Variants in RAB11FIP4 observed in about 807,000 individuals in gnomAD.
RAB11FIP4 encodes rab11 family-interacting protein 4.
A neutral mutation model predicts 74.3 loss-of-function variants in RAB11FIP4; 23 were observed. The observed-to-expected ratio is 0.31, with a 90% confidence interval of 0.22 to 0.44. RAB11FIP4 has a LOEUF of 0.44. RAB11FIP4 is among the 20% of genes least tolerant of loss of function. The probability of loss-of-function intolerance (pLI) is 1.00; values close to 1 mark genes in which losing one functional copy is unlikely to be tolerated. For missense variants in RAB11FIP4, 630 were observed against 863.9 expected, an observed-to-expected ratio of 0.73 and a Z score of 3.39; for synonymous variants, 360 against 359.9, an observed-to-expected ratio of 1.00 and a Z score of 0.00.
chr17:31,527,615 A>T, intron 10 of RAB11FIP4: 1 of 439,698 alleles, frequency 2.3e-6, no homozygotes, highest in Non-Finnish European at 3.8e-6. Context: ...AAAGAAAATA[A>T]GAATGATAAT....
chr17:31,470,215 A>G (rs1308973842), intron 3 of RAB11FIP4, among the ~76,000 whole-genome samples: 1 of 152,164 alleles, frequency 6.6e-6, no homozygotes. Flanking sequence ...AGCAGAGTCC[A>G]AGAACAGTCA....
intron 1 of RAB11FIP4, among the ~76,000 whole-genome samples, chr17:31,417,742 T>C (rs2071161931): frequency 6.6e-6 from 1 of 152,142 alleles, no homozygotes; most frequent in African/African-American, 2.4e-5. Context: ...GTGCTTGAAT[T>C]CAGCTGTCGC....
chr17:31,391,882 C>T lies in RAB11FIP4; in HGVS notation c.30C>T (p.Ala10=), dbSNP rs2070874547. Residue 10 remains alanine, a synonymous_variant, in exon 1 of 15, where the codon GCC becomes GCT. Transcript: ENST00000621161. ...CGGGCGGCGCGGGCTGGTCGGGCGC[C>T]CCCGCGGCTCTGCTGCGCTCCGTGC... The part of the protein sequence containing the change: MAGGAGWSG[A]PAALLRSVRR... 1.7e-6 allele frequency: 2 copies of T among 1,197,998 alleles called. No individual in the cohort carries two copies. The highest frequency in any genetic ancestry group is 1.6e-5 in the African/African-American group (1 of 62,242). The allele number at this position is 1,197,998 out of a possible 1,614,324, so 74.2% of individuals were successfully genotyped here. A position where few individuals can be genotyped will look rare whatever the true frequency, so the allele number is the denominator to read the frequency against.
At chr17:31,429,720 A>G (rs2071287731) in intron 1 of RAB11FIP4, among the ~76,000 whole-genome samples, 2 of 150,226 alleles carry the variant, frequency 1.3e-5, no homozygotes, top group Non-Finnish European at 3.0e-5. Context: ...CCAGCTACTC[A>G]GGAGAGGCTG....
At chr17:31,415,383 G>C (rs924818184) in intron 1 of RAB11FIP4, among the ~76,000 whole-genome samples, 1 of 152,154 alleles carries the variant, frequency 6.6e-6, no homozygotes, top group Non-Finnish European at 1.5e-5. Flanking sequence ...TAAAAGGCTC[G>C]GAAGAGAGGT....
chr17:31,522,751 T>G (rs1190034545), intron 7 of RAB11FIP4: 1 of 319,926 alleles, frequency 3.1e-6, no homozygotes, highest in Non-Finnish European at 5.8e-6. Context: ...CCGGGTTTCC[T>G]GCAGGCGGGG....
intron 3 of RAB11FIP4, among the ~76,000 whole-genome samples, chr17:31,472,587 T>C (rs1375725503): frequency 6.6e-6 from 1 of 152,174 alleles, no homozygotes; most frequent in African/African-American, 2.4e-5. Context: ...AGCAAGACCA[T>C]GAACACGGAA....
At chr17:31,434,642 C>T (rs974322052) in intron 3 of RAB11FIP4, among the ~76,000 whole-genome samples, 2 of 152,186 alleles carry the variant, frequency 1.3e-5, no homozygotes, top group African/African-American at 4.8e-5. Context: ...TCCTGGATAA[C>T]TGCAAACACA....
intron 3 of RAB11FIP4, among the ~76,000 whole-genome samples, chr17:31,513,339 G>A (rs953124992): frequency 1.3e-4 from 20 of 152,176 alleles, no homozygotes; most frequent in Admixed American, 5.2e-4. Context: ...AGGGAAATTG[G>A]CCAAGAAGAG....
At position 31,524,010 on chromosome 17, in the gene RAB11FIP4, C is replaced by T. The variant is rs143110762; in HGVS notation, c.1133+14C>T. The T allele has an allele frequency of 2.0e-4, 322 of 1,591,464 alleles. 3 individuals are homozygous for T. In the East Asian group the frequency reaches 6.5e-3, roughly 32 times the overall value. On this transcript the variant is annotated intron_variant, in intron 9 of 14. Coordinates refer to ENST00000621161, the MANE Select transcript of RAB11FIP4 (RefSeq NM_032932.6). Reference sequence around the variant, plus strand: ...GCTGGTGCACAGGTCAAGCAGGCAGCGGCGCTGGGGGCTCGGCCGTGACGC... The same window carrying T: ...GCTGGTGCACAGGTCAAGCAGGCAGTGGCGCTGGGGGCTCGGCCGTGACGC...
chr17:31,528,248 C>T (rs776149896), intron 11 of RAB11FIP4, among the ~76,000 whole-genome samples, 158 bp from the exon 12 acceptor site: 2 of 152,190 alleles, frequency 1.3e-5, no homozygotes, highest in Non-Finnish European at 2.9e-5. Flanking sequence ...GGGCTCTGGC[C>T]GTTTCTGTAA....
chr17:31,522,087 G>C lies in RAB11FIP4; in HGVS notation c.893+38G>C, dbSNP rs1053459148. 2.5e-6 allele frequency: 4 copies of C among 1,613,036 alleles called. No homozygotes were observed. The African/African-American group carries it at 4.0e-5, about 16-fold the overall frequency. Reference sequence around the variant, plus strand: ...CCCAGCTGGGGGGTGAGAGGCCGGGGGGCCAGGGCAGGGCCTGGAGGGAGA... The same window carrying C: ...CCCAGCTGGGGGGTGAGAGGCCGGGCGGCCAGGGCAGGGCCTGGAGGGAGA... On this transcript the variant is annotated intron_variant, in intron 6 of 14. Coordinates refer to ENST00000621161, the MANE Select transcript of RAB11FIP4 (RefSeq NM_032932.6).
At chr17:31,412,222 C>T (rs932310617) in intron 1 of RAB11FIP4, among the ~76,000 whole-genome samples, 12 of 152,124 alleles carry the variant, frequency 7.9e-5, no homozygotes, top group African/African-American at 2.9e-4. Flanking sequence ...ACACAGATGC[C>T]GGTTTTGCCA....
At chr17:31,460,322 C>T (rs547575950) in intron 3 of RAB11FIP4, among the ~76,000 whole-genome samples, 1 of 152,160 alleles carries the variant, frequency 6.6e-6, no homozygotes, top group South Asian at 2.1e-4. Context: ...GGTGTAGACT[C>T]ACCTTAGAGC....
intron 13 of RAB11FIP4, 57 bp from the exon 14 acceptor site, chr17:31,530,269 C>T: frequency 6.3e-7 from 1 of 1,596,620 alleles, no homozygotes; most frequent in Non-Finnish European, 8.6e-7. Context: ...GAAGTGGGTT[C>T]CAGTGGGCTG....
chr17:31,453,344 A>G (rs2071543440), intron 3 of RAB11FIP4, among the ~76,000 whole-genome samples: 2 of 120,462 alleles, frequency 1.7e-5, no homozygotes, highest in Admixed American at 2.1e-4. Flanking sequence ...CCATAGAGAG[A>G]GACCCTACCT....
chr17:31,510,549 G>A (rs1480839167), intron 3 of RAB11FIP4, among the ~76,000 whole-genome samples: 3 of 152,248 alleles, frequency 2.0e-5, no homozygotes, highest in Admixed American at 6.5e-5. Context: ...GGATGAGCTG[G>A]AACCTCGGAG....
intron 1 of RAB11FIP4, among the ~76,000 whole-genome samples, chr17:31,417,695 C>A (rs1186489967): frequency 2.6e-5 from 4 of 152,252 alleles, no homozygotes; most frequent in Non-Finnish European, 5.9e-5. Context: ...TTCCCATAGA[C>A]AGCTGGGGAG....
intron 3 of RAB11FIP4, among the ~76,000 whole-genome samples, chr17:31,436,780 T>G (rs1320751759): frequency 1.2e-4 from 4 of 32,824 alleles, no homozygotes; most frequent in Admixed American, 4.1e-4. Context: ...TTTTGTTTTT[T>G]GTTTTTTTTG....
Sources: gnomAD v4.1 joint callset for allele counts (sites outside exome capture counted in the v4.1 genomes callset) on GRCh38, gnomAD v4.1.1 for gene constraint, MANE v1.5 for transcripts, NCBI Gene and HGNC (gene_info 2026-07-23, HGNC 2026-07-21) for gene names.